Variants in KDM2A observed in about 807,000 individuals in gnomAD.
KDM2A encodes the protein lysine-specific demethylase 2A.
KDM2A carries 3 observed loss-of-function variants against 137.3 expected under a neutral mutation model. The observed-to-expected ratio is 0.02, with a 90% CI of 0.01 to 0.06. The LOEUF is 0.06. KDM2A is among the 10% of genes least tolerant of loss of function. The pLI, the probability that KDM2A is intolerant of heterozygous loss-of-function variation, is 1.00. For missense variants in KDM2A, 738 were observed against 1,510.6 expected (o/e 0.49, Z 8.48); for synonymous variants, 512 against 541.5 (o/e 0.95, Z 0.76).
intron 2 of KDM2A, among the ~76,000 whole-genome samples, chr11:67,166,864 G>A (rs941030894): frequency 2.0e-5 from 3 of 152,108 alleles, no homozygotes; most frequent in Admixed American, 6.5e-5. Flanking sequence ...ATCACTTGAG[G>A]TCAGGAGTTT....
intron 5 of KDM2A, among the ~76,000 whole-genome samples, chr11:67,206,747 A>G (rs1458743863): frequency 2.0e-5 from 3 of 152,264 alleles, no homozygotes; most frequent in Admixed American, 6.5e-5. Context: ...TAAAAAATAA[A>G]TAAACAAACT....
At chr11:67,125,174 C>CT (rs1252436173) in intron 2 of KDM2A, among the ~76,000 whole-genome samples, 221 of 136,918 alleles carry the variant, frequency 1.6e-3, no homozygotes, top group East Asian at 9.0e-3. Context: ...AGGGAACTTT[C>CT]TTTTTTTTTT....
intron 8 of KDM2A, among the ~76,000 whole-genome samples, chr11:67,217,052 G>A (rs938570790): frequency 2.0e-5 from 3 of 151,428 alleles, no homozygotes; most frequent in African/African-American, 7.3e-5. Flanking sequence ...GAACATCTTG[G>A]CCAACATGGT....
intron 13 of KDM2A, among the ~76,000 whole-genome samples, chr11:67,244,454 G>A (rs866436030): frequency 3.0e-4 from 45 of 152,146 alleles, no homozygotes; most frequent in African/African-American, 9.9e-4. Flanking sequence ...AAGTCAGGAT[G>A]AGGAAATATT....
chr11:67,201,183 G>A (rs1477157942), intron 5 of KDM2A, among the ~76,000 whole-genome samples: 1 of 142,926 alleles, frequency 7.0e-6, no homozygotes, highest in Non-Finnish European at 1.5e-5. Context: ...GACTGAGCAA[G>A]ACTCTGTCTC....
At position 67,123,145 on chromosome 11, in the gene KDM2A, C is replaced by CT. The variant is rs570328490; in HGVS notation, c.42+1797dup. On this transcript the variant is annotated intron_variant, in intron 2 of 20. Transcript: ENST00000529006. ...CCACCATGCCAGGGTAATTTTCAGACTTTTTTTTTTCTTAGTGACGGGGTC... is the reference window on the plus strand; with the variant it reads ...CCACCATGCCAGGGTAATTTTCAGACTTTTTTTTTTTCTTAGTGACGGGGTC... Among the ~76,000 whole-genome samples the CT allele has an allele frequency of 1.3e-4, 20 of 148,702 alleles. No homozygotes were observed. In the South Asian group the frequency reaches 2.4e-3, roughly 18 times the overall value.
chr11:67,150,918 T>C (rs1412813299), intron 2 of KDM2A, among the ~76,000 whole-genome samples: 2 of 152,110 alleles, frequency 1.3e-5, no homozygotes, highest in African/African-American at 2.4e-5. Context: ...TAGTCTTCAG[T>C]CTAAACCTAG....
chr11:67,172,619 TG>T (rs1856902511), intron 2 of KDM2A, among the ~76,000 whole-genome samples: 1 of 8,586 alleles, frequency 1.2e-4, no homozygotes, highest in South Asian at 0.062. Context: ...CTTATAGTTG[TG>T]TGTGTGTGTG....
intron 11 of KDM2A, 48 bp downstream of exon 11, chr11:67,228,211 G>T (rs1858604188): frequency 6.3e-7 from 1 of 1,590,752 alleles, no homozygotes; most frequent in Admixed American, 1.7e-5. Flanking sequence ...TTAGGTCTGA[G>T]GGTGAGGCCC....
intron 9 of KDM2A, 34 bp downstream of exon 9, chr11:67,217,918 AT>A (rs547027121): frequency 1.4e-5 from 21 of 1,533,032 alleles, no homozygotes; most frequent in Admixed American, 2.2e-5. Flanking sequence ...TTATTTAGCC[AT>A]TTTTTTCCTT....
intron 6 of KDM2A, among the ~76,000 whole-genome samples, chr11:67,210,303 T>C (rs1857941423): frequency 6.6e-6 from 1 of 151,686 alleles, no homozygotes; most frequent in Non-Finnish European, 1.5e-5. Flanking sequence ...TTGAGACCAG[T>C]CTGGGCAACA....
intron 5 of KDM2A, among the ~76,000 whole-genome samples, chr11:67,185,862 C>T (rs916148063): frequency 1.3e-5 from 2 of 151,760 alleles, no homozygotes. Flanking sequence ...CAAAAAGGCC[C>T]TCACCAGATG....
At chr11:67,144,392 A>G (rs914350819) in intron 2 of KDM2A, among the ~76,000 whole-genome samples, 2 of 150,532 alleles carry the variant, frequency 1.3e-5, no homozygotes, top group African/African-American at 4.9e-5. Context: ...AGCTGGGATT[A>G]CAGGCATGCA....
Position 67,133,693 on chromosome 11 carries a change from G to A in KDM2A, c.42+12335G>A, listed in dbSNP as rs1565371759. ...GCTGGGATTACAGGCGTGAGCCACC[G>A]CACCCGGCTTCCAACTGTGGTTTTT... On this transcript the variant is annotated intron_variant, in intron 2 of 20. Coordinates refer to ENST00000529006, the MANE Select transcript of KDM2A (RefSeq NM_012308.3). Among the ~76,000 whole-genome samples the A allele has an allele frequency of 4.1e-5, 6 of 146,752 alleles. No homozygotes were observed. In the South Asian group the frequency reaches 8.7e-4, roughly 21 times the overall value.
Position 67,250,838 on chromosome 11 carries a change from G to C in KDM2A, c.2768+40G>C. On this transcript the variant is annotated intron_variant, in intron 17 of 20. Coordinates refer to ENST00000529006, the MANE Select transcript of KDM2A (RefSeq NM_012308.3). This position sits in a 1 kb window ranked among gnomAD's most constrained non-coding sequence, Gnocchi z 7.1. ...AGGGGGTCAGGAATTAGGGGTATGGGAGTAGGTGGCAGGTTTTCCATATGA... is the reference window on the plus strand; with the variant it reads ...AGGGGGTCAGGAATTAGGGGTATGGCAGTAGGTGGCAGGTTTTCCATATGA... The C allele has an allele frequency of 1.4e-6, 2 of 1,453,940 alleles. No homozygotes were observed. The highest frequency in any genetic ancestry group is 3.8e-4 in the Middle Eastern group (2 of 5,270). The allele number at this position is 1,453,940 out of a possible 1,614,324, so 90.1% of individuals were successfully genotyped here. A position where few individuals can be genotyped will look rare whatever the true frequency, so the allele number is the denominator to read the frequency against.
chr11:67,241,348 A>C (rs999074184), intron 12 of KDM2A, among the ~76,000 whole-genome samples: 1 of 152,328 alleles, frequency 6.6e-6, no homozygotes, highest in Non-Finnish European at 1.5e-5. Flanking sequence ...AAACATCCGC[A>C]GATGAAATGA....
In KDM2A at chr11:67,166,030, G is replaced by A. The variant is rs141310773; in HGVS notation, c.43-14049G>A. Reference sequence around the variant, plus strand: ...TTATAAAAGGTGGTGAAGAAACTAGGCATTATCTTTGTTTCCCTTTTCTGT... The same window carrying A: ...TTATAAAAGGTGGTGAAGAAACTAGACATTATCTTTGTTTCCCTTTTCTGT... On this transcript the variant is annotated intron_variant, in intron 2 of 20. Coordinates refer to ENST00000529006, the MANE Select transcript of KDM2A (RefSeq NM_012308.3). 6.5e-4 allele frequency among the ~76,000 whole-genome samples: 99 copies of A among 152,236 alleles called. 3 individuals carry two copies. The East Asian group carries it at 0.014, about 22-fold the overall frequency.
chr11:67,203,747 C>G (rs1857718048), intron 5 of KDM2A, among the ~76,000 whole-genome samples: 1 of 151,058 alleles, frequency 6.6e-6, no homozygotes, highest in African/African-American at 2.4e-5. Context: ...GAGTGAGGCC[C>G]CATCTCAAAA....
chr11:67,134,667 G>A (rs1855932774), intron 2 of KDM2A, among the ~76,000 whole-genome samples: 1 of 151,950 alleles, frequency 6.6e-6, no homozygotes, highest in South Asian at 2.1e-4. Flanking sequence ...GCCACGCCCA[G>A]CTAATTTTTA....
Sources: allele counts gnomAD v4.1 joint callset (sites outside exome capture counted in the v4.1 genomes callset), GRCh38; gene constraint gnomAD v4.1.1; non-coding constraint Gnocchi (gnomAD v3.1); transcripts MANE v1.5; gene names NCBI Gene and HGNC (gene_info 2026-07-23, HGNC 2026-07-21).